XPO7: variants seen among roughly 807,000 people sequenced by gnomAD.
XPO7 encodes exportin-7.
XPO7 carries 21 observed loss-of-function variants against 144.3 expected under a neutral mutation model. The ratio of observed to expected loss-of-function variants is 0.15; its 90% CI spans 0.10 to 0.21. The LOEUF (loss-of-function observed/expected upper bound fraction) is 0.21. XPO7 is among the 10% of genes least tolerant of loss of function. The probability of loss-of-function intolerance (pLI) is 1.00; values close to 1 mark genes in which losing one functional copy is unlikely to be tolerated. For missense variants in XPO7, 808 were observed against 1,325.8 expected (o/e 0.61, Z 6.06); for synonymous variants, 580 against 499.6 (o/e 1.16, Z -2.15).
At chr8:21,988,044 C>G (rs1311930832) in intron 15 of XPO7, among the ~76,000 whole-genome samples, 187 bp downstream of exon 15, 1 of 152,180 alleles carries the variant, frequency 6.6e-6, no homozygotes. Flanking sequence ...GCATTCCAGG[C>G]TTGTACAGGC....
At chr8:21,981,899 T>C (rs1315353662) in intron 10 of XPO7, 22 bp downstream of exon 10, 1 of 1,609,894 alleles carries the variant, frequency 6.2e-7, no homozygotes, top group Admixed American at 1.7e-5. Flanking sequence ...ATTACTTGTG[T>C]CTTCCTTCCT....
intron 1 of XPO7, among the ~76,000 whole-genome samples, chr8:21,953,698 C>T (rs1371172038): frequency 6.6e-6 from 1 of 152,152 alleles, no homozygotes; most frequent in Non-Finnish European, 1.5e-5. Flanking sequence ...TGGGTTTTAG[C>T]CATTCTAATA....
At chr8:21,981,359 G>A (rs765956506) in intron 9 of XPO7, among the ~76,000 whole-genome samples, 13 of 152,088 alleles carry the variant, frequency 8.5e-5, no homozygotes, top group Admixed American at 4.6e-4. Context: ...GATTTCCTTT[G>A]ATTGGTAACA....
intron 1 of XPO7, 142 bp from the exon 2 acceptor site, chr8:21,966,715 T>G (rs1459245887): frequency 3.4e-6 from 4 of 1,182,042 alleles, no homozygotes; most frequent in Non-Finnish European, 4.6e-6. Flanking sequence ...GGTTATTAGG[T>G]GAATGTTACC....
intron 7 of XPO7, among the ~76,000 whole-genome samples, chr8:21,977,032 TA>T (rs1375959461): frequency 2.0e-4 from 31 of 152,248 alleles, no homozygotes; most frequent in Admixed American, 2.0e-3. Flanking sequence ...AAAGAACTTT[TA>T]AAATTGCCGA....
intron 1 of XPO7, among the ~76,000 whole-genome samples, chr8:21,924,741 T>A (rs1395840933): frequency 6.6e-6 from 1 of 152,238 alleles, no homozygotes; most frequent in Non-Finnish European, 1.5e-5. Flanking sequence ...ATGAAAATGC[T>A]CACAACATTT....
chr8:21,973,117 C>T (rs1247371487), intron 5 of XPO7, among the ~76,000 whole-genome samples: 10 of 152,210 alleles, frequency 6.6e-5, no homozygotes, highest in Non-Finnish European at 1.2e-4. Flanking sequence ...GTTTCACAAG[C>T]AACAGATGTG....
At chr8:22,001,815 AAAG>A (rs1480744227) in intron 24 of XPO7, among the ~76,000 whole-genome samples, 11 of 152,238 alleles carry the variant, frequency 7.2e-5, no homozygotes, top group African/African-American at 2.2e-4. Context: ...ATCTGGCACA[AAAG>A]AAGCACTTGC....
At chr8:21,949,320 T>C (rs1811295456) in intron 1 of XPO7, among the ~76,000 whole-genome samples, 1 of 152,226 alleles carries the variant, frequency 6.6e-6, no homozygotes, top group Non-Finnish European at 1.5e-5. Flanking sequence ...ATCAAAATAC[T>C]GCCCCAGGCA....
chr8:21,950,456 G>A (rs920534886), intron 1 of XPO7, among the ~76,000 whole-genome samples: 1 of 152,180 alleles, frequency 6.6e-6, no homozygotes, highest in Non-Finnish European at 1.5e-5. Flanking sequence ...CATCAAATGA[G>A]TAAGATTTGT....
At chr8:21,982,297 C>T (rs1812433253) in intron 10 of XPO7, among the ~76,000 whole-genome samples, 1 of 151,972 alleles carries the variant, frequency 6.6e-6, no homozygotes, top group Admixed American at 6.6e-5. Context: ...GAGTCTTATC[C>T]CCATAATTTC....
chr8:21,921,732 G>A (rs1810295318), intron 1 of XPO7: 1 of 152,206 alleles, frequency 6.6e-6, no homozygotes, highest in African/African-American at 2.4e-5. Flanking sequence ...ATGTTGATCA[G>A]TGTTTTATTG....
intron 1 of XPO7, chr8:21,964,303 A>G (rs1811815692): frequency 6.6e-6 from 1 of 152,220 alleles, no homozygotes; most frequent in African/African-American, 2.4e-5. Flanking sequence ...CATAGATGTT[A>G]TCATGCCAAG....
chr8:21,996,031 G>A (rs955696583), intron 21 of XPO7, among the ~76,000 whole-genome samples: 2 of 152,148 alleles, frequency 1.3e-5, no homozygotes, highest in Non-Finnish European at 2.9e-5. Context: ...TAGCCAGGAT[G>A]GTCTCGATCT....
At chr8:21,977,944 A>T in intron 8 of XPO7, 101 bp downstream of exon 8, 1 of 1,047,564 alleles carries the variant, frequency 9.5e-7, no homozygotes, top group Non-Finnish European at 1.4e-6. Context: ...TATACAAGTA[A>T]AGCATAGAAA....
At chr8:21,967,394 G>C (rs1811918872) in intron 2 of XPO7, among the ~76,000 whole-genome samples, 1 of 152,142 alleles carries the variant, frequency 6.6e-6, no homozygotes, top group Non-Finnish European at 1.5e-5. Context: ...GCAATGGCGT[G>C]ATCTTGGCTC....
intron 2 of XPO7, 26 bp downstream of exon 2, chr8:21,967,029 G>A (rs1811906886): frequency 1.9e-6 from 3 of 1,604,952 alleles, no homozygotes; most frequent in East Asian, 4.5e-5. Context: ...AAATCCTAAA[G>A]GATAACAGGC....
chr8:21,953,615 G>A (rs1328670565), intron 1 of XPO7, among the ~76,000 whole-genome samples: 1 of 152,202 alleles, frequency 6.6e-6, no homozygotes, highest in Non-Finnish European at 1.5e-5. Context: ...TAAAGTGGCT[G>A]TACCATTTTG....
intron 20 of XPO7, 52 bp downstream of exon 20, chr8:21,994,503 G>A (rs1016213491): frequency 6.6e-7 from 1 of 1,523,864 alleles, no homozygotes; most frequent in Non-Finnish European, 9.0e-7. Flanking sequence ...ACTGGAGTGT[G>A]ATTGGGTGAT....
Sources: allele counts gnomAD v4.1 joint callset (sites outside exome capture counted in the v4.1 genomes callset), GRCh38; gene constraint gnomAD v4.1.1; transcripts MANE v1.5; gene names NCBI Gene and HGNC (gene_info 2026-07-23, HGNC 2026-07-21).